The following GPR107 variants were observed in gnomAD, a reference collection of about 807,000 sequenced individuals.
GPR107 encodes the protein G protein-coupled receptor 107.
In GPR107, 31 loss-of-function variants were observed where a neutral mutation model predicts 75.5. That is an observed-to-expected ratio of 0.41 (90% CI 0.31 to 0.55). The LOEUF (loss-of-function observed/expected upper bound fraction) is 0.55. GPR107 is among the 20% of genes least tolerant of loss of function. The probability of loss-of-function intolerance (pLI) is 0.26; values close to 1 mark genes in which losing one functional copy is unlikely to be tolerated. For synonymous variants in GPR107, 267 were observed against 251.3 expected (o/e 1.06, Z -0.59); for missense variants, 572 against 665.7 (o/e 0.86, Z 1.55).
intron 6 of GPR107, among the ~76,000 whole-genome samples, chr9:130,085,754 A>ATTTTTTTGTTTTTTTTTTTTTTTTT (rs1830598574): frequency 1.3e-5 from 1 of 78,674 alleles, no homozygotes; most frequent in Non-Finnish European, 2.4e-5. Context: ...CAATATTTTG[A>ATTTTTTTGTTTTTTTTTTTTTTTTT]TTTTTTTTTT....
chr9:130,059,387 C>A (rs1829873631), intron 1 of GPR107, among the ~76,000 whole-genome samples: 1 of 152,080 alleles, frequency 6.6e-6, no homozygotes, highest in African/African-American at 2.4e-5. Context: ...ACTGGGGAGG[C>A]TGAGGCAGGA....
At chr9:130,096,010 G>A (rs78329058) in intron 9 of GPR107, among the ~76,000 whole-genome samples, 3,409 of 149,384 alleles carry the variant, frequency 0.023, 54 homozygotes, top group Middle Eastern at 0.034. Context: ...ACTGGAACTC[G>A]GGTCTGCTTG....
At chr9:130,113,644 A>T (rs1163918505) in intron 14 of GPR107, among the ~76,000 whole-genome samples, 1 of 152,212 alleles carries the variant, frequency 6.6e-6, no homozygotes, top group Non-Finnish European at 1.5e-5. Context: ...TACATAACAC[A>T]CTGAAACATT....
intron 7 of GPR107, among the ~76,000 whole-genome samples, chr9:130,089,679 G>T (rs558454889): frequency 6.6e-6 from 1 of 151,862 alleles, no homozygotes; most frequent in Admixed American, 6.6e-5. Context: ...ATCTTTTTTA[G>T]ACTTCCCCTG....
chr9:130,081,872 A>T (rs1241343438), intron 5 of GPR107, among the ~76,000 whole-genome samples: 1 of 151,964 alleles, frequency 6.6e-6, no homozygotes, highest in Non-Finnish European at 1.5e-5. Context: ...AACCACCACC[A>T]CCGAAAAACA....
intron 5 of GPR107, among the ~76,000 whole-genome samples, chr9:130,080,633 A>C (rs900948067): frequency 6.6e-6 from 1 of 151,808 alleles, no homozygotes. Flanking sequence ...CTGGGACTAC[A>C]GGCGCCCGCC....
At chr9:130,086,522 A>G (rs754029396) in intron 7 of GPR107, 46 bp downstream of exon 7, 6 of 1,102,270 alleles carry the variant, frequency 5.4e-6, no homozygotes, top group Non-Finnish European at 6.9e-6. Flanking sequence ...TCTCTCTACC[A>G]TGTAAAAGGG....
intron 17 of GPR107, 30 bp downstream of exon 17, chr9:130,128,791 C>T (rs749435950): frequency 6.2e-7 from 1 of 1,608,136 alleles, no homozygotes; most frequent in Non-Finnish European, 8.5e-7. Context: ...TCTTCCTTAG[C>T]CCTGACCCCT....
chr9:130,083,666 AT>A, intron 6 of GPR107, 64 bp downstream of exon 6: 1 of 911,890 alleles, frequency 1.1e-6, no homozygotes, highest in South Asian at 2.3e-5. Flanking sequence ...TGTGTGTTAT[AT>A]GCATGTGTGT....
intron 14 of GPR107, among the ~76,000 whole-genome samples, chr9:130,116,536 T>C (rs1831432633): frequency 6.6e-6 from 1 of 152,216 alleles, no homozygotes; most frequent in South Asian, 2.1e-4. Context: ...TCAGCCCAGC[T>C]GCAGGGTTGC....
At chr9:130,105,796 G>C (rs1460105607) in intron 13 of GPR107, among the ~76,000 whole-genome samples, 1 of 151,290 alleles carries the variant, frequency 6.6e-6, no homozygotes, top group African/African-American at 2.4e-5. Flanking sequence ...CAGCCTCCTG[G>C]GTAGCTGGGA....
intron 5 of GPR107, among the ~76,000 whole-genome samples, chr9:130,081,290 C>G (rs1318102863): frequency 1.3e-5 from 2 of 152,174 alleles, no homozygotes; most frequent in African/African-American, 2.4e-5. Context: ...GTAATCCCAG[C>G]ACTTTGAGAG....
rs10552308 is a variant in GPR107 at position 130,083,670 on chromosome 9, A to ATG, written c.564+80_564+81dup. On this transcript the variant is annotated intron_variant, in intron 6 of 17. Coordinates refer to ENST00000347136, the MANE Select transcript of GPR107 (RefSeq NM_020960.5). ...GTGTGTACGTGTGTGTGTTATATGC[A>ATG]TGTGTGTGTGTGTATTGATATATAT... 98 of 849,470 alleles carry ATG rather than the reference A, an allele frequency of 1.2e-4. 1 individual carries two copies. Among genetic ancestry groups the ATG allele is most frequent in the East Asian group, 5.7e-4 (19 of 33,272 alleles). 52.6% of individuals were successfully genotyped at this position (849,470 alleles called of 1,614,324 possible).
chr9:130,060,304 C>T (rs1829897061), intron 1 of GPR107, among the ~76,000 whole-genome samples: 2 of 151,904 alleles, frequency 1.3e-5, no homozygotes, highest in African/African-American at 4.8e-5. Context: ...CTCAGATGTT[C>T]TGCCCACTTT....
At position 130,073,188 on chromosome 9, in the gene GPR107, C is replaced by A. The variant is rs186203391; in HGVS notation, c.142-2448C>A. 4.5e-3 allele frequency among the ~76,000 whole-genome samples: 691 copies of A among 152,260 alleles called. 21 individuals are homozygous for A. Among genetic ancestry groups the A allele is most frequent in the Admixed American group, 0.036 (543 of 15,278 alleles). On this transcript the variant is annotated intron_variant, in intron 1 of 17. Coordinates refer to ENST00000347136, the MANE Select transcript of GPR107 (RefSeq NM_020960.5). Reference sequence around the variant, plus strand: ...GATTCATATACGTTGTTTTATGTGGCAGAAATTGTGTGTTCATTTTCCCTC... The same window carrying A: ...GATTCATATACGTTGTTTTATGTGGAAGAAATTGTGTGTTCATTTTCCCTC...
intron 1 of GPR107, among the ~76,000 whole-genome samples, chr9:130,070,856 A>G (rs982028111): frequency 2.6e-5 from 4 of 151,268 alleles, no homozygotes; most frequent in Non-Finnish European, 5.9e-5. Context: ...AGCTGTGGCT[A>G]CAGTTGCATG....
intron 9 of GPR107, among the ~76,000 whole-genome samples, 189 bp downstream of exon 9, chr9:130,092,570 C>T (rs1830767855): frequency 5.3e-5 from 8 of 151,832 alleles, no homozygotes; most frequent in Admixed American, 5.3e-4. Flanking sequence ...GCCTTGGTGT[C>T]TGTTCACTTC....
At chr9:130,105,688 ACT>A in intron 13 of GPR107, among the ~76,000 whole-genome samples, 1 of 149,472 alleles carries the variant, frequency 6.7e-6, no homozygotes, top group East Asian at 1.9e-4. Flanking sequence ...AGTTAGATTC[ACT>A]CTTCACCCTC....
chr9:130,064,221 C>T (rs1396619186), intron 1 of GPR107, among the ~76,000 whole-genome samples: 16 of 120,176 alleles, frequency 1.3e-4, no homozygotes, highest in Admixed American at 4.0e-4. Flanking sequence ...GACGGAGTCT[C>T]GCTCTGTCGC....
Sources: gnomAD v4.1 joint callset for allele counts (sites outside exome capture counted in the v4.1 genomes callset) on GRCh38, gnomAD v4.1.1 for gene constraint, MANE v1.5 for transcripts, NCBI Gene and HGNC (gene_info 2026-07-23, HGNC 2026-07-21) for gene names.